SORCS1: variants seen among roughly 807,000 people sequenced by gnomAD.
SORCS1 encodes VPS10 domain-containing receptor SorCS1.
Under a neutral mutation model 146.1 loss-of-function variants are expected in SORCS1, and 60 were observed. The ratio of observed to expected loss-of-function variants is 0.41; its 90% CI spans 0.33 to 0.51. The LOEUF (loss-of-function observed/expected upper bound fraction) is 0.51. Among genes scored for constraint, SORCS1 ranks in the 20% least tolerant of loss-of-function variants. SORCS1 has a pLI of 0.21. For missense variants in SORCS1, 1,352 were observed against 1,487.6 expected (o/e 0.91, Z 1.50); for synonymous variants, 637 against 584.0 (o/e 1.09, Z -1.31).
At chr10:106,707,253 ATC>A (rs1854600609) in intron 7 of SORCS1, among the ~76,000 whole-genome samples, 1 of 150,816 alleles carries the variant, frequency 6.6e-6, no homozygotes, top group Non-Finnish European at 1.5e-5. Context: ...CAATGGCACT[ATC>A]TCGGCTCACT....
chr10:106,709,423 T>TCA, intron 6 of SORCS1, 82 bp from the exon 7 acceptor site: 2 of 693,784 alleles, frequency 2.9e-6, no homozygotes, highest in Non-Finnish European at 4.8e-6. Flanking sequence ...GGACGTTTGA[T>TCA]ATTTCCCTTA....
At chr10:106,722,369 C>T (rs10466141) in intron 6 of SORCS1, among the ~76,000 whole-genome samples, 5,898 of 152,114 alleles carry the variant, frequency 0.039, 339 homozygotes, top group African/African-American at 0.13. Context: ...CTGTTCAATA[C>T]GGAAACTAGG....
intron 2 of SORCS1, among the ~76,000 whole-genome samples, chr10:106,946,353 TG>T (rs2138829891): frequency 6.6e-6 from 1 of 152,326 alleles, no homozygotes; most frequent in East Asian, 1.9e-4. Flanking sequence ...ACCCAAATCT[TG>T]TCTTGAATTG....
chr10:107,153,684 T>C (rs1018304205), intron 1 of SORCS1, among the ~76,000 whole-genome samples: 1 of 152,242 alleles, frequency 6.6e-6, no homozygotes, highest in Non-Finnish European at 1.5e-5. Context: ...GCAACTTGAA[T>C]GTGAGCTCTT....
chr10:107,014,346 C>CT (rs1957812076), intron 1 of SORCS1, among the ~76,000 whole-genome samples: 1 of 151,572 alleles, frequency 6.6e-6, no homozygotes, highest in African/African-American at 2.4e-5. Context: ...CATCTTCCAG[C>CT]TTTTTTTCTG....
chr10:107,047,859 T>C (rs1959660437), intron 1 of SORCS1, among the ~76,000 whole-genome samples: 1 of 152,018 alleles, frequency 6.6e-6, no homozygotes, highest in Non-Finnish European at 1.5e-5. Context: ...GGCAGGCAGA[T>C]TGCCTAAGCT....
chr10:106,935,040 C>T, intron 2 of SORCS1, among the ~76,000 whole-genome samples: 1 of 152,002 alleles, frequency 6.6e-6, no homozygotes, highest in Non-Finnish European at 1.5e-5. Context: ...TAATCAAAAA[C>T]CACGAGTACC....
In SORCS1 at chr10:106,611,897, CTG is replaced by C. The variant is rs1232813522; in HGVS notation, c.3033+12_3033+13del. 1.3e-6 allele frequency: 2 copies of C among 1,584,388 alleles called. No individual in the cohort carries two copies. Among genetic ancestry groups the C allele is most frequent in the Non-Finnish European group, 1.7e-6 (2 of 1,153,212 alleles). On this transcript the variant is annotated intron_variant, in intron 22 of 25. Transcript: ENST00000263054. ...AAAGGTACCCGGGCAAGAGAAGAAA[CTG>C]TGTGCACTCACTTCCACCAGGGATT...
At chr10:106,862,105 C>T (rs1950035270) in intron 2 of SORCS1, among the ~76,000 whole-genome samples, 1 of 152,150 alleles carries the variant, frequency 6.6e-6, no homozygotes, top group African/African-American at 2.4e-5. Context: ...CAGCTGATCT[C>T]TAGCTTTGAC....
chr10:106,885,513 A>G (rs1298620821), intron 2 of SORCS1, among the ~76,000 whole-genome samples: 1 of 152,230 alleles, frequency 6.6e-6, no homozygotes, highest in Non-Finnish European at 1.5e-5. Context: ...AGGTCTTACA[A>G]GAACTCTTCT....
chr10:106,676,545 T>G (rs1852040621), intron 13 of SORCS1, among the ~76,000 whole-genome samples: 1 of 152,166 alleles, frequency 6.6e-6, no homozygotes, highest in African/African-American at 2.4e-5. Flanking sequence ...GCTGAGAGAA[T>G]AATATACTGG....
intron 1 of SORCS1, among the ~76,000 whole-genome samples, chr10:107,003,231 G>A (rs1564912691): frequency 1.3e-5 from 2 of 151,914 alleles, no homozygotes; most frequent in Admixed American, 1.3e-4. Flanking sequence ...CTCCAGCCTG[G>A]GCCACAGAGT....
Position 106,876,932 on chromosome 10 carries a change from G to GT in SORCS1, c.627-47260dup, listed in dbSNP as rs558386680. Among the ~76,000 whole-genome samples the GT allele has an allele frequency of 2.9e-3, 434 of 152,206 alleles. 1 individual carries two copies. Among genetic ancestry groups the GT allele is most frequent in the African/African-American group, 3.9e-3 (164 of 41,530 alleles). ...GGGGGCATTTTCATGTCATTAAGAG[G>GT]TTTTTTCAGAGTAAGCTTCTGGAGG... On this transcript the variant is annotated intron_variant, in intron 2 of 25. Coordinates refer to ENST00000263054, the MANE Select transcript of SORCS1 (RefSeq NM_052918.5).
intron 1 of SORCS1, among the ~76,000 whole-genome samples, chr10:107,125,117 T>A (rs1308997671): frequency 6.6e-6 from 1 of 151,942 alleles, no homozygotes; most frequent in Non-Finnish European, 1.5e-5. Flanking sequence ...CACGCCCAGC[T>A]AATTTTTATA....
intron 2 of SORCS1, among the ~76,000 whole-genome samples, chr10:106,839,664 G>A (rs896696567): frequency 1.5e-4 from 23 of 152,274 alleles, no homozygotes; most frequent in African/African-American, 5.1e-4. Context: ...ATCAAAAGAC[G>A]ATTCCATTAG....
intron 3 of SORCS1, among the ~76,000 whole-genome samples, chr10:106,816,963 C>T (rs967819111): frequency 2.0e-4 from 31 of 152,222 alleles, no homozygotes; most frequent in East Asian, 7.7e-4. Flanking sequence ...TAAATGTCAG[C>T]AATGTACTTC....
chr10:106,651,632 A>T (rs758253144), intron 18 of SORCS1, among the ~76,000 whole-genome samples: 5 of 152,208 alleles, frequency 3.3e-5, no homozygotes, highest in African/African-American at 4.8e-5. Context: ...ACACAATGAT[A>T]ACCATAATTA....
chr10:106,749,035 C>G (rs1857954324), intron 5 of SORCS1, among the ~76,000 whole-genome samples: 1 of 152,084 alleles, frequency 6.6e-6, no homozygotes, highest in Non-Finnish European at 1.5e-5. Context: ...CATAATTTTG[C>G]TTTTGCTTTT....
intron 1 of SORCS1, among the ~76,000 whole-genome samples, chr10:106,986,511 CGTGT>C (rs58888609): frequency 0.28 from 41,371 of 148,082 alleles, 6,684 homozygotes; most frequent in East Asian, 0.4. Context: ...TATATACAAC[CGTGT>C]GTGTGTGTGT....
Sources: allele counts gnomAD v4.1 joint callset (sites outside exome capture counted in the v4.1 genomes callset), GRCh38; gene constraint gnomAD v4.1.1; transcripts MANE v1.5; gene names NCBI Gene and HGNC (gene_info 2026-07-23, HGNC 2026-07-21).